Variants in ZNF782 observed in about 807,000 individuals in gnomAD.
The protein encoded by ZNF782 is zinc finger protein 782.
A neutral mutation model predicts 13.0 loss-of-function variants in ZNF782; 12 were observed. That is an observed-to-expected ratio of 0.92 (90% CI 0.59 to 1.50). The LOEUF is 1.50. Ranked by LOEUF, ZNF782 falls within the 40% of genes most tolerant of loss-of-function variation. The pLI, the probability that ZNF782 is intolerant of heterozygous loss-of-function variation, is 0.00. For synonymous variants in ZNF782, 284 were observed against 283.0 expected, an observed-to-expected ratio of 1.00 and a Z score of -0.04; for missense variants, 770 against 822.9, an observed-to-expected ratio of 0.94 and a Z score of 0.79.
At chr9:96,907,464 A>T in the ZNF782 span, among the ~76,000 whole-genome samples, 13,547 of 143,174 alleles carry the variant, frequency 0.095, 92 homozygotes, top group East Asian at 0.41. Context: ...CTGTATGCTT[A>T]AAAATGGTTA....
upstream of ZNF782, among the ~76,000 whole-genome samples, chr9:96,855,832 ACT>A (rs1851634109): frequency 6.6e-6 from 1 of 152,186 alleles, no homozygotes; most frequent in South Asian, 2.1e-4. Context: ...GAATCTCCAC[ACT>A]GTTTTCCATT....
Position 96,816,433 on chromosome 9 carries a change from T to A in ZNF782, c.*1490A>T, listed in dbSNP as rs1850171792. 6.6e-6 allele frequency: 1 copy of A among 152,166 alleles called. No individual in the cohort carries two copies. Among genetic ancestry groups the A allele is most frequent in the Non-Finnish European group, 1.5e-5 (1 of 68,026 alleles). 9.4% of individuals were successfully genotyped at this position (152,166 alleles called of 1,614,324 possible). A position where few individuals can be genotyped will look rare whatever the true frequency, so the allele number is the denominator to read the frequency against. On this transcript the variant is annotated 3_prime_UTR_variant, in exon 6 of 6. Coordinates refer to ENST00000481138, the MANE Select transcript of ZNF782 (RefSeq NM_001001662.3). Reference sequence around the variant, plus strand: ...CATGCATATATACATACATAAACAATCAATAACTCACAAAACATTCACATA... The same window carrying A: ...CATGCATATATACATACATAAACAAACAATAACTCACAAAACATTCACATA...
intron 4 of ZNF782, among the ~76,000 whole-genome samples, chr9:96,837,898 TA>T (rs1380653430): frequency 6.6e-6 from 1 of 152,228 alleles, no homozygotes; most frequent in African/African-American, 2.4e-5. Context: ...CTCATTTTTA[TA>T]TTTTTTTGTA....
At chr9:96,858,236 A>G (rs75867037), upstream of ZNF782, among the ~76,000 whole-genome samples, 3,188 of 152,252 alleles carry the variant, frequency 0.021, 181 homozygotes, top group East Asian at 0.24. The surrounding 1 kb of genome is among the most constrained non-coding windows in gnomAD (Gnocchi z 4.4). Context: ...CTGTGCCCCT[A>G]TCCCCTCCCC....
chr9:96,905,330 T>G, the ZNF782 span, among the ~76,000 whole-genome samples: 1 of 149,878 alleles, frequency 6.7e-6, no homozygotes, highest in Non-Finnish European at 1.5e-5. Flanking sequence ...CGCATTAGCA[T>G]GCTAAGAGAC....
At chr9:96,879,709 G>C (rs923614240), upstream of ZNF782, among the ~76,000 whole-genome samples, 3 of 152,182 alleles carry the variant, frequency 2.0e-5, no homozygotes, top group African/African-American at 7.2e-5. Context: ...CTTAAAAAGA[G>C]GAACATTGTT....
rs1386746801 is a variant in ZNF782, at chr9:96,852,900, C to T, written c.-92G>A. ...GTTTTCCTCCTGGCTCTACCACAAA[C>T]GAGGGATCCCCGGAAACTCACTGAA... On this transcript the variant is annotated 5_prime_UTR_variant, in exon 2 of 6. Coordinates refer to ENST00000481138, the MANE Select transcript of ZNF782 (RefSeq NM_001001662.3). 1 of 152,720 alleles carries T rather than the reference C, an allele frequency of 6.5e-6. No individual in the cohort carries two copies. The highest frequency in any genetic ancestry group is 1.5e-5 in the Non-Finnish European group (1 of 68,024). The allele number at this position is 152,720 out of a possible 1,614,324, so 9.5% of individuals were successfully genotyped here.
the ZNF782 span, among the ~76,000 whole-genome samples, chr9:96,913,716 A>G: frequency 3.3e-5 from 5 of 151,826 alleles, no homozygotes; most frequent in African/African-American, 7.3e-5. Context: ...GTAGAGACAG[A>G]GTTTCACCAT....
intron 3 of ZNF782, among the ~76,000 whole-genome samples, 189 bp downstream of exon 3, chr9:96,851,758 T>C (rs1192436767): frequency 6.6e-6 from 1 of 152,228 alleles, no homozygotes; most frequent in African/African-American, 2.4e-5. Context: ...ACATGACATC[T>C]TGGCAAACTG....
At position 96,874,592 on chromosome 9, in the gene ZNF782, C is replaced by T. The variant is rs80339446; in HGVS notation, c.-457+876G>A. On this transcript the variant is annotated intron_variant, in intron 1 of 5. Transcript: ENST00000498811. ...CTCTAGTGGTTTCTGGAGATAATGA[C>T]ATCACCAGATCCAGCTCATTCTGGC... Among the ~76,000 whole-genome samples, 601 of 152,286 alleles carry T rather than the reference C, an allele frequency of 3.9e-3. 29 individuals are homozygous for T. The East Asian group carries it at 0.099, about 25-fold the overall frequency.
upstream of ZNF782, among the ~76,000 whole-genome samples, chr9:96,878,473 C>T (rs568404910): frequency 6.6e-6 from 1 of 152,354 alleles, no homozygotes; most frequent in African/African-American, 2.4e-5. Flanking sequence ...ATCCAGCCCA[C>T]CTCCCAAGTA....
the ZNF782 span, chr9:96,891,034 A>G: frequency 6.6e-6 from 1 of 152,252 alleles, no homozygotes; most frequent in Admixed American, 6.5e-5. Flanking sequence ...ACACAAAAGG[A>G]TAAATACTGT....
At chr9:96,851,828 G>A in intron 3 of ZNF782, 119 bp downstream of exon 3, 1 of 1,042,966 alleles carries the variant, frequency 9.6e-7, no homozygotes, top group Non-Finnish European at 1.5e-6. Context: ...TGGTGAAACT[G>A]TATATATTTT....
At chr9:96,835,434 AAG>A (rs1307922103) in intron 4 of ZNF782, among the ~76,000 whole-genome samples, 1 of 152,180 alleles carries the variant, frequency 6.6e-6, no homozygotes, top group Non-Finnish European at 1.5e-5. Context: ...CAATGGGAAA[AAG>A]ACCCTGAAGT....
intron 3 of ZNF782, among the ~76,000 whole-genome samples, chr9:96,845,430 T>C (rs1851317178): frequency 6.6e-6 from 1 of 152,198 alleles, no homozygotes. Context: ...ACCTAGTTTT[T>C]TGTATTTTAG....
Position 96,852,094 on chromosome 9 carries a change from G to C in ZNF782, c.-44-89C>G, listed in dbSNP as rs147144634. On this transcript the variant is annotated intron_variant, in intron 2 of 5. Transcript: ENST00000481138. ...CCCAAATCTCAGCAACCCAGTTGGA[G>C]AGCAGCCTTCCTAAGGTAACAGGGC... is the stretch of plus-strand genomic sequence containing the variant. 5.9e-3 allele frequency: 4,836 copies of C among 822,012 alleles called. 22 individuals carry two copies. The highest frequency in any genetic ancestry group is 0.021 in the Middle Eastern group (89 of 4,246). The allele number at this position is 822,012 out of a possible 1,614,324, so 50.9% of individuals were successfully genotyped here.
At chr9:96,866,778 C>T (rs556650457) in intron 1 of ZNF782, among the ~76,000 whole-genome samples, 10 of 152,342 alleles carry the variant, frequency 6.6e-5, no homozygotes, top group African/African-American at 2.4e-4. Context: ...CCATGGGAAC[C>T]CATGTCTTGC....
intron 4 of ZNF782, among the ~76,000 whole-genome samples, chr9:96,840,792 G>C (rs959191193): frequency 4.6e-5 from 7 of 151,990 alleles, no homozygotes; most frequent in Non-Finnish European, 1.0e-4. Context: ...GGCACTAAAT[G>C]TGTACGTTAG....
intron 1 of ZNF782, among the ~76,000 whole-genome samples, chr9:96,871,749 T>C (rs1352193143): frequency 6.6e-6 from 1 of 152,214 alleles, no homozygotes; most frequent in African/African-American, 2.4e-5. Flanking sequence ...AAAAGAAATA[T>C]AACAAACCTT....
Sources: gnomAD v4.1 joint callset for allele counts (sites outside exome capture counted in the v4.1 genomes callset) on GRCh38, gnomAD v4.1.1 for gene constraint, Gnocchi (gnomAD v3.1) non-coding constraint, MANE v1.5 for transcripts, NCBI Gene and HGNC (gene_info 2026-07-23, HGNC 2026-07-21) for gene names.